CYBA: variants seen among roughly 807,000 people sequenced by gnomAD.
CYBA encodes the protein cytochrome b-245 light chain.
CYBA carries 21 observed loss-of-function variants against 20.8 expected under a neutral mutation model. That is an observed-to-expected ratio of 1.01 (90% CI 0.72 to 1.46). The LOEUF is 1.46. Among genes scored for constraint, CYBA ranks in the 40% most tolerant of loss-of-function variants. The pLI, the probability that CYBA is intolerant of heterozygous loss-of-function variation, is 0.00. For synonymous variants in CYBA, 164 were observed against 127.5 expected (o/e 1.29, Z -1.93); for missense variants, 344 against 287.0 (o/e 1.20, Z -1.43).
At chr16:88,648,926 CTATTT>C (rs1352347118) in intron 1 of CYBA, among the ~76,000 whole-genome samples, 7 of 129,894 alleles carry the variant, frequency 5.4e-5, no homozygotes, top group Non-Finnish European at 8.0e-5. Context: ...GTCCTTCCTA[CTATTT>C]TATTTCTTTT....
At chr16:88,646,079 G>T (rs1272088734) in intron 5 of CYBA, 37 bp downstream of exon 5, 1 of 1,514,380 alleles carries the variant, frequency 6.6e-7, no homozygotes, top group Non-Finnish European at 8.9e-7. Context: ...GCTGGGGATG[G>T]GGGTGGCCGG....
At chr16:88,650,298 A>G (rs1205823644) in intron 1 of CYBA, 1 of 444,086 alleles carries the variant, frequency 2.3e-6, no homozygotes, top group East Asian at 7.1e-5. Context: ...GAGAGGGTCC[A>G]TTTCCAAATG....
At chr16:88,649,519 G>C (rs962422988) in intron 1 of CYBA, among the ~76,000 whole-genome samples, 1 of 152,224 alleles carries the variant, frequency 6.6e-6, no homozygotes, top group African/African-American at 2.4e-5. Flanking sequence ...CTGTGTACAG[G>C]GGGGACTCTT....
chr16:88,646,168 G>A lies in CYBA; in HGVS notation c.317C>T (p.Ala106Val). 6.4e-7 allele frequency: 1 copy of A among 1,560,720 alleles called. No individual in the cohort carries two copies. The highest frequency in any genetic ancestry group is 8.7e-7 in the Non-Finnish European group (1 of 1,154,604). The change falls in exon 5 of 6, where the codon GCC becomes GTC. Residue 106 changes from alanine (A) to valine (V), a missense_variant. Transcript: ENST00000261623. Reference protein sequence around the residue: ...LLSVPAGFLLATILGTACLAI... With the variant: ...LLSVPAGFLLVTILGTACLAI... Reference sequence around the variant, plus strand: ...CAGGCAGGCGGTCCCAAGGATGGTGGCCAGCAGGAAGCCGGCGGGCACCGA... The same window carrying A: ...CAGGCAGGCGGTCCCAAGGATGGTGACCAGCAGGAAGCCGGCGGGCACCGA...
intron 1 of CYBA, among the ~76,000 whole-genome samples, chr16:88,648,396 C>G (rs189240658): frequency 6.6e-6 from 1 of 151,158 alleles, no homozygotes; most frequent in Non-Finnish European, 1.5e-5. Flanking sequence ...CCAGTGGGCT[C>G]TGGGACCCCC....
At chr16:88,645,712 C>T (rs1412884825) in intron 5 of CYBA, 2 of 551,576 alleles carry the variant, frequency 3.6e-6, no homozygotes, top group South Asian at 4.3e-5. Context: ...CCTGGCACCG[C>T]CCATGAATCA....
rs1475224129 is a variant in CYBA at position 88,647,087 on chromosome 16, A to G, written c.203+14T>C. On this transcript the variant is annotated intron_variant, in intron 3 of 5. Coordinates refer to ENST00000261623, the MANE Select transcript of CYBA (RefSeq NM_000101.4). The stretch of plus-strand genomic sequence containing the variant: ...GCAGCCCCCGGAGAGACCCCAGAGC[A>G]GGAGGAGACTCACCAGCGCTCCATG... 9.3e-6 allele frequency: 15 copies of G among 1,607,688 alleles called. No homozygotes were observed. Among genetic ancestry groups the G allele is most frequent in the African/African-American group, 1.3e-5 (1 of 74,932 alleles).
At chr16:88,648,200 A>C in intron 1 of CYBA, 86 bp from the exon 2 acceptor site, 1 of 1,327,252 alleles carries the variant, frequency 7.5e-7, no homozygotes, top group Non-Finnish European at 1.1e-6. Context: ...GTGGGCCACC[A>C]GGCCACCCAG....
intron 2 of CYBA, 81 bp from the exon 3 acceptor site, chr16:88,647,256 A>G (rs1327270530): frequency 4.4e-6 from 6 of 1,375,446 alleles, no homozygotes; most frequent in Middle Eastern, 1.8e-4. Context: ...CAACACAGAG[A>G]GGGGCCCGAG....
intron 1 of CYBA, among the ~76,000 whole-genome samples, chr16:88,648,977 A>G (rs1214573656): frequency 1.5e-5 from 2 of 133,062 alleles, no homozygotes; most frequent in Admixed American, 8.7e-5. Context: ...TTGCCCTGTC[A>G]CCCAGGCTGG....
At position 88,643,590 on chromosome 16, in the gene CYBA, T is replaced by C; in HGVS notation, c.370-19A>G. On this transcript the variant is annotated intron_variant, in intron 5 of 5. Transcript: ENST00000261623. The surrounding 1 kb of genome is among the most constrained non-coding windows in gnomAD (Gnocchi z 4.3). ...CAGCCGCCTGCGGGGCACTGAAGGG[T>C]TGAGCCGCGCCCCAGCGCCCGCCCT... 1 of 1,528,406 alleles carries C rather than the reference T, an allele frequency of 6.5e-7. No homozygotes were observed. Among genetic ancestry groups the C allele is most frequent in the African/African-American group, 1.4e-5 (1 of 72,346 alleles). 94.7% of individuals were successfully genotyped at this position (1,528,406 alleles called of 1,614,324 possible). A position where few individuals can be genotyped will look rare whatever the true frequency, so the allele number is the denominator to read the frequency against.
At chr16:88,647,868 G>C (rs1454250441) in intron 2 of CYBA, 177 bp downstream of exon 2, 2 of 661,776 alleles carry the variant, frequency 3.0e-6, no homozygotes, top group Non-Finnish European at 5.4e-6. Flanking sequence ...ATCGCCACAT[G>C]GTCCTGGCGA....
intron 1 of CYBA, 101 bp from the exon 2 acceptor site, chr16:88,648,215 G>T: frequency 9.1e-7 from 1 of 1,100,340 alleles, no homozygotes; most frequent in Non-Finnish European, 1.3e-6. Context: ...ACCCAGAGCT[G>T]CCCCCTACCC....
intron 2 of CYBA, chr16:88,647,675 G>C (rs1479040464): frequency 2.5e-6 from 1 of 397,174 alleles, no homozygotes; most frequent in Non-Finnish European, 4.8e-6. Flanking sequence ...GCAAGGTCCG[G>C]CTGGGCGGCA....
chr16:88,647,056 G>T, intron 3 of CYBA, 45 bp downstream of exon 3: 1 of 1,554,922 alleles, frequency 6.4e-7, no homozygotes, highest in Non-Finnish European at 8.8e-7. Flanking sequence ...GCCCTGCCTG[G>T]GCCCCGCAGC....
chr16:88,648,838 C>T (rs1227396796), intron 1 of CYBA, among the ~76,000 whole-genome samples: 2 of 151,910 alleles, frequency 1.3e-5, no homozygotes, highest in African/African-American at 2.4e-5. Context: ...AGGCTGGTCT[C>T]GAACTCCTGA....
At chr16:88,644,912 C>T in intron 5 of CYBA, 1 of 554,954 alleles carries the variant, frequency 1.8e-6, no homozygotes, top group East Asian at 3.0e-5. Context: ...GGAGAAGAAA[C>T]TCCAACAGCT....
At chr16:88,650,405 G>T (rs1470162984) in intron 1 of CYBA, 1 of 457,300 alleles carries the variant, frequency 2.2e-6, no homozygotes, top group Non-Finnish European at 4.4e-6. Context: ...CTGTGCAGCT[G>T]GGCTGGGCAG....
At chr16:88,644,860 A>G (rs1907218523) in intron 5 of CYBA, 1 of 426,362 alleles carries the variant, frequency 2.3e-6, no homozygotes. Flanking sequence ...TACAAAAACC[A>G]CAATAGAAAA....
Sources: allele counts gnomAD v4.1 joint callset (sites outside exome capture counted in the v4.1 genomes callset), GRCh38; gene constraint gnomAD v4.1.1; non-coding constraint Gnocchi (gnomAD v3.1); transcripts MANE v1.5; gene names NCBI Gene and HGNC (gene_info 2026-07-23, HGNC 2026-07-21).